The following ZNF394 variants were observed in gnomAD, a reference collection of about 807,000 sequenced individuals.
ZNF394 encodes the protein zinc finger protein 99.
In ZNF394, 19 loss-of-function variants were observed where a neutral mutation model predicts 21.8. The ratio of observed to expected loss-of-function variants is 0.87; its 90% CI spans 0.61 to 1.28. The LOEUF (loss-of-function observed/expected upper bound fraction) is 1.28. ZNF394 is among the 50% of genes most tolerant of loss of function. The pLI is 0.00. For synonymous variants in ZNF394, 294 were observed against 273.3 expected (o/e 1.08, Z -0.75); for missense variants, 683 against 708.6 (o/e 0.96, Z 0.41).
rs1468896929 is a variant in ZNF394 at position 99,493,843 on chromosome 7, T to G, written c.1372A>C (p.Arg458=). ...TCCCCTTTATGTAGTCTCTGATGTCTAAAAAGGTTGGAAATATGACAGGTT... is the reference window on the plus strand; with the variant it reads ...TCCCCTTTATGTAGTCTCTGATGTCGAAAAAGGTTGGAAATATGACAGGTT... ...GETCHISNLF[R]HQRLHKGERP... is the part of the protein sequence containing the mutation. Residue 458 remains arginine (R), a synonymous_variant, in exon 3 of 3, where the codon AGA becomes CGA. Coordinates refer to ENST00000337673, the MANE Select transcript of ZNF394 (RefSeq NM_032164.4). The G allele has an allele frequency of 6.2e-7, 1 of 1,614,114 alleles. No individual in the cohort carries two copies. The highest frequency in any genetic ancestry group is 1.7e-5 in the Admixed American group (1 of 59,996).
rs1339825445 is a variant in ZNF394 at position 99,494,342 on chromosome 7, C to G, written c.873G>C (p.Arg291Ser). Residue 291 changes from arginine (R) to serine (S), a missense_variant, in exon 3 of 3, where the codon AGG (arginine) becomes AGC (serine). By Grantham distance (110) the Arg-to-Ser change is moderately radical. This residue lies in a region of ZNF394 where 402 missense variants were observed against 373.8 expected (regional missense o/e 1.08). Coordinates refer to ENST00000337673, the MANE Select transcript of ZNF394 (RefSeq NM_032164.4). ...GCTGACATAGAACAAGGTTGGAACA[C>G]CTGGCACTGTTCTGCAATTCATTAT... ...SKNNELQNSA[R>S]CSNLVLCQHI... The G allele has an allele frequency of 3.7e-6, 6 of 1,614,228 alleles. No homozygotes were observed. In the South Asian group the frequency reaches 6.6e-5, roughly 18 times the overall value.
chr7:99,497,206 G>A (rs1800362728), intron 2 of ZNF394, among the ~76,000 whole-genome samples: 2 of 146,264 alleles, frequency 1.4e-5, no homozygotes, highest in South Asian at 4.3e-4. Context: ...TGTCACCCAG[G>A]CTGGAGTGCT....
At chr7:99,486,594 G>GTTA in exon 2 of ZNF394, 1 of 1,614,164 alleles carries the variant, frequency 6.2e-7, no homozygotes, top group South Asian at 1.1e-5. Context: ...TTTCAGAAAA[G>GTTA]TTACATAAGT....
At chr7:99,486,682 C>G in exon 2 of ZNF394, 1 of 1,614,172 alleles carries the variant, frequency 6.2e-7, no homozygotes, top group Non-Finnish European at 8.5e-7. Context: ...CCTTCAAAAC[C>G]TTAACCTTAT....
downstream of ZNF394, among the ~76,000 whole-genome samples, chr7:99,489,277 C>G (rs1800109233): frequency 6.7e-6 from 1 of 148,702 alleles, no homozygotes; most frequent in Non-Finnish European, 1.5e-5. Flanking sequence ...GAGTAAGACT[C>G]CATCTCAAAA....
chr7:99,486,696 A>G, exon 2 of ZNF394: 4 of 1,614,252 alleles, frequency 2.5e-6, no homozygotes, highest in Non-Finnish European at 3.4e-6. Flanking sequence ...ACCTTATTCA[A>G]GATCAGAATG....
rs373326846 is a variant in ZNF394, at chr7:99,499,822, C to T, written c.272G>A (p.Arg91Gln). Reference protein sequence around the residue: ...ALSRLRELCRRWLRPELLSKE... With the variant: ...ALSRLRELCRQWLRPELLSKE... Reference sequence around the variant, plus strand: ...GGAGAGCAGCTCGGGTCTCAGCCACCGACGACAGAGTTCTCGGAGCCGGCT... The same window carrying T: ...GGAGAGCAGCTCGGGTCTCAGCCACTGACGACAGAGTTCTCGGAGCCGGCT... Residue 91 changes from arginine (R) to glutamine (Q), a missense_variant, in exon 1 of 3, where the codon CGG becomes CAG. Coordinates refer to ENST00000337673, the MANE Select transcript of ZNF394 (RefSeq NM_032164.4). 27 of 1,614,082 alleles carry T rather than the reference C, an allele frequency of 1.7e-5. No individual in the cohort carries two copies. Among genetic ancestry groups the T allele is most frequent in the Admixed American group, 3.3e-5 (2 of 60,006 alleles).
downstream of ZNF394, among the ~76,000 whole-genome samples, chr7:99,490,029 T>C (rs1421733801): frequency 2.0e-5 from 3 of 151,374 alleles, no homozygotes; most frequent in Non-Finnish European, 4.4e-5. Flanking sequence ...AATATTGCTC[T>C]CAGGCCAGGT....
downstream of ZNF394, among the ~76,000 whole-genome samples, chr7:99,491,062 C>T (rs375241579): frequency 3.0e-4 from 46 of 152,200 alleles, no homozygotes; most frequent in African/African-American, 1.0e-3. Context: ...CTCTATTACA[C>T]GTGCCCCAGC....
At chr7:99,488,838 G>C (rs915736621), downstream of ZNF394, among the ~76,000 whole-genome samples, 1 of 147,370 alleles carries the variant, frequency 6.8e-6, no homozygotes, top group African/African-American at 2.5e-5. Flanking sequence ...TGAGGTAGGA[G>C]AATCACCTAC....
At chr7:99,498,011 TA>T (rs1800392491) in intron 2 of ZNF394, 1 of 152,230 alleles carries the variant, frequency 6.6e-6, no homozygotes, top group Admixed American at 6.5e-5. Flanking sequence ...AAGGGGGGAC[TA>T]CTGCCTGTCT....
rs1562894720 is a variant in ZNF394 at position 99,497,144 on chromosome 7, ATATATATATAT to A, written c.583+1561_583+1571del. On this transcript the variant is annotated intron_variant, in intron 2 of 2. Transcript: ENST00000337673. ...TGTGTATATATATATATATATATGT[ATATATATATAT>A]AAAATGTTTTTTCTTTTTTTTTTGA... 4.4e-5 allele frequency among the ~76,000 whole-genome samples: 6 copies of A among 135,460 alleles called. No homozygotes were observed. In the East Asian group the frequency reaches 8.4e-4, roughly 19 times the overall value. The allele number at this position is 135,460 out of a possible 152,430, so 88.9% of individuals were successfully genotyped here.
chr7:99,499,237 G>A (rs1156643417), intron 1 of ZNF394, among the ~76,000 whole-genome samples: 2 of 151,754 alleles, frequency 1.3e-5, no homozygotes, highest in African/African-American at 2.4e-5. Flanking sequence ...TTAGCCGGGC[G>A]TGGTGGCGGG....
At position 99,493,721 on chromosome 7, in the gene ZNF394, T is replaced by G; in HGVS notation, c.1494A>C (p.Gly498=). 1.9e-6 allele frequency: 3 copies of G among 1,614,182 alleles called. No homozygotes were observed. The African/African-American group carries it at 4.0e-5, about 22-fold the overall frequency. Residue 498 remains glycine, a synonymous_variant, in exon 3 of 3, where the codon GGA becomes GGC. Coordinates refer to ENST00000337673, the MANE Select transcript of ZNF394 (RefSeq NM_032164.4). ...TGAAGCGTTTCCCACAGACGGAACATCCATAGGGCTTCTCCCCAGTGTGGA... is the reference window on the plus strand; with the variant it reads ...TGAAGCGTTTCCCACAGACGGAACAGCCATAGGGCTTCTCCCCAGTGTGGA... The part of the protein sequence containing the change: ...HRIHTGEKPY[G]CSVCGKRFNQ...
chr7:99,493,068 C>T (rs1229691766), downstream of ZNF394, among the ~76,000 whole-genome samples: 1 of 152,094 alleles, frequency 6.6e-6, no homozygotes, highest in Non-Finnish European at 1.5e-5. Context: ...TCAGAAGGCC[C>T]CCTACTTCCT....
intron 2 of ZNF394, among the ~76,000 whole-genome samples, chr7:99,497,120 G>GTA (rs1479965665): frequency 5.0e-4 from 46 of 91,356 alleles, no homozygotes; most frequent in African/African-American, 1.7e-3. Flanking sequence ...GTGTGTGTGT[G>GTA]TGTATATATA....
chr7:99,497,122 G>GTGTGTGTGTGTGTATATA (rs1322382800), intron 2 of ZNF394, among the ~76,000 whole-genome samples: 1 of 79,466 alleles, frequency 1.3e-5, no homozygotes, highest in African/African-American at 7.4e-5. Context: ...GTGTGTGTGT[G>GTGTGTGTGTGTGTATATA]TATATATATA....
chr7:99,493,691 CTGAT>C lies in ZNF394; in HGVS notation c.1520_1523del (p.Asn507ArgfsTer68). On this transcript the variant is annotated frameshift_variant, in exon 3 of 3. Transcript: ENST00000337673. LOFTEE classifies it low-confidence loss of function (END_TRUNC). ...TCTGGTGTTTAATGAGGGTTGCACT[CTGAT>C]TGAAGCGTTTCCCACAGACGGAACA... 3 of 1,614,220 alleles carry C rather than the reference CTGAT, an allele frequency of 1.9e-6. No individual in the cohort carries two copies. The highest frequency in any genetic ancestry group is 2.5e-6 in the Non-Finnish European group (3 of 1,180,032).
chr7:99,491,549 G>A (rs1167064007), downstream of ZNF394, among the ~76,000 whole-genome samples: 5 of 152,020 alleles, frequency 3.3e-5, no homozygotes, highest in South Asian at 2.1e-4. Flanking sequence ...AAGCTGAGGC[G>A]GGCGGACCAC....
Sources: gnomAD v4.1 joint callset for allele counts (sites outside exome capture counted in the v4.1 genomes callset) on GRCh38, gnomAD v4.1.1 for gene constraint, gnomAD v4.1.1 regional missense constraint, MANE v1.5 for transcripts, NCBI Gene and HGNC (gene_info 2026-07-23, HGNC 2026-07-21) for gene names.